Variants in TBC1D5 observed in about 807,000 individuals in gnomAD.
TBC1D5 encodes the protein TBC1 domain family, member 5.
A neutral mutation model predicts 100.3 loss-of-function variants in TBC1D5; 75 were observed. The observed-to-expected ratio is 0.75, with a 90% CI of 0.62 to 0.91. The LOEUF (loss-of-function observed/expected upper bound fraction) is 0.91, where lower values mean the gene tolerates loss of function less well. TBC1D5 is among the 40% of genes least tolerant of loss of function. The pLI is 0.00. For missense variants in TBC1D5, 910 were observed against 942.4 expected (o/e 0.97, Z 0.45); for synonymous variants, 323 against 325.6 (o/e 0.99, Z 0.09).
In TBC1D5 at chr3:17,613,001, C is replaced by T. The variant is rs149301959; in HGVS notation, c.-36+10848G>A. Among the ~76,000 whole-genome samples, 11 of 151,650 alleles carry T rather than the reference C, an allele frequency of 7.3e-5. No individual in the cohort carries two copies. The East Asian group carries it at 2.1e-3, about 29-fold the overall frequency. ...GCTGCACCCCTCAACAAGTCATTTA[C>T]ATTACATATTTCTCCTAATGATATC... On this transcript the variant is annotated intron_variant, in intron 2 of 21. Coordinates refer to ENST00000253692, the Ensembl canonical transcript of TBC1D5.
intron 1 of TBC1D5, among the ~76,000 whole-genome samples, chr3:17,731,850 T>A (rs2076583492): frequency 6.6e-6 from 1 of 152,094 alleles, no homozygotes; most frequent in Non-Finnish European, 1.5e-5. Flanking sequence ...AAAATTAATT[T>A]AATTAAAAAA....
At chr3:17,341,937 G>C (rs978455942) in intron 13 of TBC1D5, among the ~76,000 whole-genome samples, 1 of 151,880 alleles carries the variant, frequency 6.6e-6, no homozygotes, top group African/African-American at 2.4e-5. Flanking sequence ...TACAGCATTC[G>C]CTGCCTACTT....
In TBC1D5 at chr3:17,690,450, T is replaced by A. The variant is rs2070977830; in HGVS notation, c.-101+48893A>T. Among the ~76,000 whole-genome samples the A allele has an allele frequency of 6.3e-5, 2 of 31,668 alleles. 1 individual carries two copies. Among genetic ancestry groups the A allele is most frequent in the Non-Finnish European group, 1.3e-4 (2 of 15,006 alleles). 20.8% of individuals were successfully genotyped at this position (31,668 alleles called of 152,430 possible). ...CCGGGATGGTCTCGATCTCCTGACCTCGTGATCCGCCCGCCTCGGCCTCCC... is the reference window on the plus strand; with the variant it reads ...CCGGGATGGTCTCGATCTCCTGACCACGTGATCCGCCCGCCTCGGCCTCCC... On this transcript the variant is annotated intron_variant, in intron 1 of 21. Coordinates refer to ENST00000253692, the Ensembl canonical transcript of TBC1D5.
chr3:17,306,116 C>T (rs1575231914), intron 14 of TBC1D5, among the ~76,000 whole-genome samples: 1 of 54,702 alleles, frequency 1.8e-5, no homozygotes, highest in Admixed American at 1.6e-4. Flanking sequence ...TTTTCACTTC[C>T]AGGCCTTTGT....
chr3:17,282,912 C>T (rs183472949), intron 15 of TBC1D5, among the ~76,000 whole-genome samples: 82 of 152,244 alleles, frequency 5.4e-4, no homozygotes, highest in Non-Finnish European at 7.5e-4. Context: ...TAATAATTAG[C>T]GTTTGCAAAT....
intron 2 of TBC1D5, among the ~76,000 whole-genome samples, chr3:17,602,595 C>T (rs925618255): frequency 2.8e-4 from 21 of 76,068 alleles, no homozygotes; most frequent in Non-Finnish European, 4.2e-4. Context: ...TTTTTTGAGA[C>T]GGAGTCTCTT....
At chr3:17,226,518 G>A (rs570391866) in intron 17 of TBC1D5, among the ~76,000 whole-genome samples, 2 of 152,002 alleles carry the variant, frequency 1.3e-5, no homozygotes, top group South Asian at 2.1e-4. Flanking sequence ...GAAACTGCCC[G>A]CAACTGAAGA....
intron 13 of TBC1D5, among the ~76,000 whole-genome samples, chr3:17,358,656 G>T (rs2091438021): frequency 6.6e-6 from 1 of 152,002 alleles, no homozygotes; most frequent in Admixed American, 6.6e-5. Context: ...TGTTTCTGAT[G>T]CCTCTTAGAG....
chr3:17,627,306 T>C (rs1243288593), intron 1 of TBC1D5, among the ~76,000 whole-genome samples: 1 of 152,140 alleles, frequency 6.6e-6, no homozygotes, highest in Non-Finnish European at 1.5e-5. Context: ...AGACATTCAC[T>C]GTGAGGGGAC....
At chr3:17,667,861 A>G (rs1281453683) in intron 1 of TBC1D5, among the ~76,000 whole-genome samples, 1 of 152,088 alleles carries the variant, frequency 6.6e-6, no homozygotes, top group Non-Finnish European at 1.5e-5. Context: ...ACAACTGATT[A>G]GTCTGATTTT....
At chr3:17,194,536 T>G (rs576818643) in intron 18 of TBC1D5, among the ~76,000 whole-genome samples, 3 of 152,242 alleles carry the variant, frequency 2.0e-5, no homozygotes, top group Non-Finnish European at 2.9e-5. Context: ...TTAATTTTAT[T>G]GGATTATGCA....
intron 3 of TBC1D5, among the ~76,000 whole-genome samples, chr3:17,485,873 G>C (rs1461769326): frequency 6.6e-6 from 1 of 152,048 alleles, no homozygotes; most frequent in African/African-American, 2.4e-5. Flanking sequence ...GGGATGGTTG[G>C]GTCAAATGGT....
intron 2 of TBC1D5, among the ~76,000 whole-genome samples, chr3:17,610,333 C>T (rs189449503): frequency 2.0e-5 from 3 of 152,196 alleles, no homozygotes; most frequent in Admixed American, 6.5e-5. Context: ...TACAGGCATG[C>T]TCCACCATGC....
chr3:17,545,894 T>C (rs571043895), intron 2 of TBC1D5, among the ~76,000 whole-genome samples: 12 of 152,340 alleles, frequency 7.9e-5, no homozygotes, highest in African/African-American at 2.4e-4. Context: ...GTAATTTACC[T>C]GATCAAAATA....
chr3:17,252,381 C>T lies in TBC1D5; in HGVS notation c.1331+6125G>A, dbSNP rs534578837. Among the ~76,000 whole-genome samples the T allele has an allele frequency of 5.3e-5, 8 of 152,202 alleles. No homozygotes were observed. In the East Asian group the frequency reaches 1.2e-3, roughly 22 times the overall value. ...TAACTATCCCAGTTTTCCTCTGCCC[C>T]GACAGAGCCTAAATAACTTCACTGA... is the stretch of plus-strand genomic sequence containing the variant. On this transcript the variant is annotated intron_variant, in intron 16 of 21. Coordinates refer to ENST00000253692, the Ensembl canonical transcript of TBC1D5.
chr3:17,310,723 T>A (rs1300283733), intron 13 of TBC1D5, among the ~76,000 whole-genome samples: 1 of 151,904 alleles, frequency 6.6e-6, no homozygotes, highest in Non-Finnish European at 1.5e-5. Flanking sequence ...AAGAAAAAAA[T>A]TTATCATTAG....
At chr3:17,493,319 G>C (rs1232487018) in intron 3 of TBC1D5, among the ~76,000 whole-genome samples, 1 of 151,532 alleles carries the variant, frequency 6.6e-6, no homozygotes, top group Non-Finnish European at 1.5e-5. Context: ...CTCTTAGTCT[G>C]ATGGGTTTCC....
At chr3:17,203,624 T>C (rs187191582) in intron 18 of TBC1D5, among the ~76,000 whole-genome samples, 1 of 152,254 alleles carries the variant, frequency 6.6e-6, no homozygotes, top group African/African-American at 2.4e-5. Flanking sequence ...TGAGGTGGAT[T>C]TCCCCCTTGC....
chr3:17,327,750 T>A (rs1318413419), intron 13 of TBC1D5, among the ~76,000 whole-genome samples: 1 of 152,206 alleles, frequency 6.6e-6, no homozygotes, highest in African/African-American at 2.4e-5. Context: ...CATGTTCTCG[T>A]ATTTACTATG....
Sources: allele counts gnomAD v4.1 joint callset (sites outside exome capture counted in the v4.1 genomes callset), GRCh38; gene constraint gnomAD v4.1.1; transcripts MANE v1.5; gene names NCBI Gene and HGNC (gene_info 2026-07-23, HGNC 2026-07-21).